Variants in ARID4B observed in about 807,000 individuals in gnomAD.
ARID4B encodes AT-rich interaction domain 4B.
In ARID4B, 26 loss-of-function variants were observed where a neutral mutation model predicts 147.5. That is an observed-to-expected ratio of 0.18 (90% CI 0.13 to 0.24). The LOEUF (loss-of-function observed/expected upper bound fraction) is 0.24, where lower values mean the gene tolerates loss of function less well. Among genes scored for constraint, ARID4B ranks in the 10% least tolerant of loss-of-function variants. The pLI is 1.00. For missense variants in ARID4B, 1,179 were observed against 1,511.5 expected, an observed-to-expected ratio of 0.78 and a Z score of 3.65; for synonymous variants, 512 against 507.9, an observed-to-expected ratio of 1.01 and a Z score of -0.11.
At chr1:235,277,006 A>G (rs1366584002) in intron 2 of ARID4B, among the ~76,000 whole-genome samples, 1 of 151,952 alleles carries the variant, frequency 6.6e-6, no homozygotes, top group Non-Finnish European at 1.5e-5. Flanking sequence ...CTCCGAAAAA[A>G]AAAAAAAAAA....
At chr1:235,316,773 C>T (rs1012511020) in intron 2 of ARID4B, among the ~76,000 whole-genome samples, 4 of 152,034 alleles carry the variant, frequency 2.6e-5, no homozygotes, top group Admixed American at 6.6e-5. Flanking sequence ...GAGCTGAGAT[C>T]GCACCACTGC....
chr1:235,232,712 T>C (rs1364710131), intron 9 of ARID4B, among the ~76,000 whole-genome samples: 1 of 152,180 alleles, frequency 6.6e-6, no homozygotes, highest in African/African-American at 2.4e-5. Flanking sequence ...TTGTGCCGTT[T>C]TACTAACGTT....
chr1:235,223,685 ATT>A (rs58659735), intron 12 of ARID4B, among the ~76,000 whole-genome samples: 4 of 134,658 alleles, frequency 3.0e-5, no homozygotes, highest in Non-Finnish European at 3.1e-5. Flanking sequence ...GTAAAGCTAC[ATT>A]TTTTTTTTTT....
In ARID4B at chr1:235,240,474, T is replaced by TATTTCC. The variant is rs777823131; in HGVS notation, c.447-29_447-24dup. On this transcript the variant is annotated intron_variant, in intron 7 of 23. Transcript: ENST00000264183. The stretch of plus-strand genomic sequence containing the variant: ...GGTCTAGGGAGAGAAAAAAATAAAA[T>TATTTCC]ATTTCCATTTATCCTCACAAAGAAT... 14 of 1,600,368 alleles carry TATTTCC rather than the reference T, an allele frequency of 8.7e-6. No homozygotes were observed. The South Asian group carries it at 1.6e-4, about 18-fold the overall frequency.
intron 19 of ARID4B, among the ~76,000 whole-genome samples, chr1:235,191,072 G>T (rs1032716237): frequency 2.0e-5 from 3 of 151,914 alleles, no homozygotes; most frequent in African/African-American, 7.3e-5. Context: ...TGTCTTATGT[G>T]CCACTACCTA....
intron 2 of ARID4B, among the ~76,000 whole-genome samples, chr1:235,323,038 AC>A (rs1014112233): frequency 4.2e-5 from 6 of 143,818 alleles, no homozygotes; most frequent in Non-Finnish European, 7.6e-5. Context: ...AAATATAACC[AC>A]CTTTTTTTTT....
chr1:235,238,982 T>TC (rs1668804977), intron 8 of ARID4B, among the ~76,000 whole-genome samples: 1 of 137,104 alleles, frequency 7.3e-6, no homozygotes, highest in South Asian at 2.6e-4. Flanking sequence ...TCTTTTTTTT[T>TC]CTTCTTTTTT....
At chr1:235,186,197 G>C (rs370452655) in intron 19 of ARID4B, among the ~76,000 whole-genome samples, 66 of 152,176 alleles carry the variant, frequency 4.3e-4, no homozygotes, top group Middle Eastern at 3.4e-3. Flanking sequence ...TTGATTTCCT[G>C]ACCTCGTGAT....
rs1284055599 is a variant in ARID4B, at chr1:235,213,943, T to C, written c.1667A>G (p.Asp556Gly). Residue 556 changes from aspartate to glycine, a missense_variant, in exon 17 of 24, where the codon GAT becomes GGT. Physicochemically the swap from Asp to Gly is moderately conservative, Grantham distance 94 (BLOSUM62 -1). Coordinates refer to ENST00000264183, the MANE Select transcript of ARID4B (RefSeq NM_016374.6). ...EEEEEEEEDE[D>G]DDDNNEEEEF... is the part of the protein sequence containing the mutation. ...CTCTTCCTCATTGTTGTCATCATCA[T>C]CTTCATCCTCTTCTTCTTCTTCCTC... The C allele has an allele frequency of 6.2e-7, 1 of 1,608,104 alleles. No individual in the cohort carries two copies. Among genetic ancestry groups the C allele is most frequent in the Non-Finnish European group, 8.5e-7 (1 of 1,174,870 alleles).
rs375182095 is a variant in ARID4B at position 235,181,922 on chromosome 1, T to A, written c.2997A>T (p.Glu999Asp). 1 of 1,614,092 alleles carries A rather than the reference T, an allele frequency of 6.2e-7. No individual in the cohort carries two copies. The highest frequency in any genetic ancestry group is 1.3e-5 in the African/African-American group (1 of 74,936). The change falls in exon 20 of 24, where the codon GAA becomes GAT. Residue 999 changes from glutamate (E) to aspartate (D), a missense_variant. Physicochemically the swap from Glu to Asp is conservative, Grantham distance 45. Coordinates refer to ENST00000264183, the MANE Select transcript of ARID4B (RefSeq NM_016374.6). ...PVNVDSKPIE[E>D]KTVEVNDRKA... ...TTCTGTCATTGACCTCTACTGTTTTTTCTTCAATGGGTTTACTATCGACAT... is the reference window on the plus strand; with the variant it reads ...TTCTGTCATTGACCTCTACTGTTTTATCTTCAATGGGTTTACTATCGACAT...
intron 17 of ARID4B, among the ~76,000 whole-genome samples, chr1:235,199,319 T>G (rs1029832259): frequency 1.3e-5 from 2 of 152,244 alleles, no homozygotes; most frequent in Non-Finnish European, 2.9e-5. Context: ...TCAGTGCTTT[T>G]ATTTGTTTAA....
intron 19 of ARID4B, among the ~76,000 whole-genome samples, chr1:235,187,870 CATT>C (rs577072636): frequency 5.9e-5 from 9 of 152,084 alleles, no homozygotes; most frequent in Non-Finnish European, 1.3e-4. Context: ...ATATGATACT[CATT>C]GTTGAACTAA....
intron 19 of ARID4B, among the ~76,000 whole-genome samples, chr1:235,191,424 A>AT (rs1020622610): frequency 3.7e-4 from 53 of 145,038 alleles, no homozygotes; most frequent in East Asian, 1.6e-3. Flanking sequence ...AAGTTTTTGT[A>AT]TTTTTTTTTT....
intron 14 of ARID4B, 53 bp from the exon 15 acceptor site, chr1:235,220,598 A>G (rs1316817652): frequency 3.0e-6 from 4 of 1,351,020 alleles, no homozygotes; most frequent in Non-Finnish European, 9.9e-7. Context: ...AAATATAACT[A>G]TAGAGTTATT....
chr1:235,317,648 C>T (rs1674531138), intron 2 of ARID4B, among the ~76,000 whole-genome samples: 1 of 152,006 alleles, frequency 6.6e-6, no homozygotes, highest in African/African-American at 2.4e-5. Context: ...TGAATGCTGT[C>T]TCCAATTTTA....
chr1:235,194,587 G>A (rs560244318), intron 18 of ARID4B, among the ~76,000 whole-genome samples: 65 of 152,126 alleles, frequency 4.3e-4, no homozygotes, highest in Non-Finnish European at 4.7e-4. Flanking sequence ...TTGGGAGGCC[G>A]CGGCAGGTGG....
At chr1:235,301,065 G>GTTTTT (rs1673102711) in intron 2 of ARID4B, among the ~76,000 whole-genome samples, 1 of 102,828 alleles carries the variant, frequency 9.7e-6, no homozygotes, top group African/African-American at 5.2e-5. Flanking sequence ...TTTTTTTTTA[G>GTTTTT]TATACAGACA....
intron 2 of ARID4B, among the ~76,000 whole-genome samples, chr1:235,301,407 C>T (rs961867011): frequency 6.6e-6 from 1 of 151,712 alleles, no homozygotes; most frequent in Admixed American, 6.6e-5. Context: ...AGCGTGCTGG[C>T]ACACACTTGT....
At chr1:235,226,674 A>G (rs189862084) in intron 11 of ARID4B, among the ~76,000 whole-genome samples, 16 of 152,070 alleles carry the variant, frequency 1.1e-4, no homozygotes, top group African/African-American at 3.9e-4. Context: ...GGCGTCCACC[A>G]CCATGCCCGG....
Sources: gnomAD v4.1 joint callset for allele counts (sites outside exome capture counted in the v4.1 genomes callset) on GRCh38, gnomAD v4.1.1 for gene constraint, MANE v1.5 for transcripts, NCBI Gene and HGNC (gene_info 2026-07-23, HGNC 2026-07-21) for gene names.